Variants in ARHGAP26 observed in about 807,000 individuals in gnomAD.
ARHGAP26 encodes the protein Rho GTPase activating protein 26.
In ARHGAP26, 38 loss-of-function variants were observed where a neutral mutation model predicts 104.8. The observed-to-expected ratio is 0.36, with a 90% CI of 0.28 to 0.48. The LOEUF is 0.48. Among genes scored for constraint, ARHGAP26 ranks in the 20% least tolerant of loss-of-function variants. ARHGAP26 has a pLI of 0.99. For synonymous variants in ARHGAP26, 341 were observed against 340.0 expected (o/e 1.00, Z -0.03); for missense variants, 704 against 947.9 (o/e 0.74, Z 3.38).
intron 17 of ARHGAP26, among the ~76,000 whole-genome samples, chr5:143,079,844 C>T (rs1789552862): frequency 6.6e-6 from 1 of 152,094 alleles, no homozygotes; most frequent in Admixed American, 6.6e-5. Flanking sequence ...TAGGGAGAAT[C>T]TAGAGATAGA....
At chr5:142,795,807 G>A (rs527900655) in intron 1 of ARHGAP26, among the ~76,000 whole-genome samples, 1 of 152,274 alleles carries the variant, frequency 6.6e-6, no homozygotes, top group East Asian at 1.9e-4. Context: ...TTTATCCCCA[G>A]AATCTCAGCC....
intron 1 of ARHGAP26, among the ~76,000 whole-genome samples, chr5:142,844,005 A>G (rs971520759): frequency 9.3e-5 from 14 of 150,960 alleles, no homozygotes; most frequent in African/African-American, 3.2e-4. Flanking sequence ...GAGTTAATAT[A>G]TAATAAGATA....
chr5:143,171,769 C>T (rs1029336163), intron 20 of ARHGAP26, among the ~76,000 whole-genome samples: 5 of 152,176 alleles, frequency 3.3e-5, no homozygotes, highest in Admixed American at 1.3e-4. Flanking sequence ...CTTGTCACTA[C>T]GCTTTCTTCC....
At chr5:142,944,715 A>G (rs1766850660) in intron 11 of ARHGAP26, among the ~76,000 whole-genome samples, 1 of 152,238 alleles carries the variant, frequency 6.6e-6, no homozygotes. Flanking sequence ...TATGTAAGAT[A>G]CTTAGAACAG....
chr5:142,856,952 C>T (rs746827488), intron 1 of ARHGAP26, among the ~76,000 whole-genome samples: 4 of 152,132 alleles, frequency 2.6e-5, no homozygotes, highest in African/African-American at 9.7e-5. Flanking sequence ...GTTCTGGAGG[C>T]CAGAAATCTG....
intron 20 of ARHGAP26, 64 bp from the exon 21 acceptor site, chr5:143,207,134 C>T: frequency 6.4e-7 from 1 of 1,569,428 alleles, no homozygotes; most frequent in Non-Finnish European, 8.7e-7. Context: ...CTCCCATGAC[C>T]TCCTGTGCTC....
intron 1 of ARHGAP26, among the ~76,000 whole-genome samples, chr5:142,822,663 C>T (rs1345810786): frequency 6.6e-6 from 1 of 152,024 alleles, no homozygotes; most frequent in Non-Finnish European, 1.5e-5. Context: ...TGCACACACA[C>T]CATACATATA....
chr5:142,795,313 T>C (rs767892231), intron 1 of ARHGAP26, among the ~76,000 whole-genome samples: 6 of 150,702 alleles, frequency 4.0e-5, no homozygotes, highest in Non-Finnish European at 7.4e-5. Flanking sequence ...TGAGGATTGC[T>C]CAGAAAGTGT....
chr5:143,056,140 AAAG>A, intron 16 of ARHGAP26, 54 bp downstream of exon 16: 2 of 1,472,246 alleles, frequency 1.4e-6, no homozygotes, highest in Non-Finnish European at 1.9e-6. Context: ...TTTCTATTTC[AAAG>A]AAGAGTCAGT....
chr5:143,110,298 A>G (rs192782725), intron 17 of ARHGAP26, among the ~76,000 whole-genome samples: 9 of 152,352 alleles, frequency 5.9e-5, no homozygotes, highest in African/African-American at 2.2e-4. Flanking sequence ...CTTGTTCACC[A>G]GTATATCTCC....
intron 11 of ARHGAP26, among the ~76,000 whole-genome samples, chr5:142,988,678 C>A (rs1775138031): frequency 6.6e-6 from 1 of 152,148 alleles, no homozygotes; most frequent in Non-Finnish European, 1.5e-5. Context: ...CCCAGAGATT[C>A]TGGTATGTTG....
chr5:143,002,101 G>A (rs926536092), intron 11 of ARHGAP26, among the ~76,000 whole-genome samples: 8 of 152,146 alleles, frequency 5.3e-5, no homozygotes, highest in Non-Finnish European at 8.8e-5. Context: ...CATCAGCCTC[G>A]AGTTGCAATG....
chr5:142,802,075 C>G (rs558060675), intron 1 of ARHGAP26, among the ~76,000 whole-genome samples: 1 of 152,298 alleles, frequency 6.6e-6, no homozygotes, highest in East Asian at 1.9e-4. Context: ...ATGAGAGAAA[C>G]TATTCTGTGG....
chr5:143,107,318 G>C (rs1794163028), intron 17 of ARHGAP26, among the ~76,000 whole-genome samples: 1 of 152,162 alleles, frequency 6.6e-6, no homozygotes, highest in South Asian at 2.1e-4. Flanking sequence ...ATTTGCTCAA[G>C]GATCTGGTAT....
Position 142,980,352 on chromosome 5 carries a change from C to CT in ARHGAP26, c.1108-33725dup, listed in dbSNP as rs375787576. On this transcript the variant is annotated intron_variant, in intron 11 of 22. Coordinates refer to ENST00000645722, the MANE Select transcript of ARHGAP26 (RefSeq NM_001135608.3). ...TATTGTGCATAAAGCCTCTAGGAAC[C>CT]TTTATTTTATTTTATTTTATTTTAT... Among the ~76,000 whole-genome samples the CT allele has an allele frequency of 1.5e-3, 201 of 131,534 alleles. 1 individual carries two copies. Among genetic ancestry groups the CT allele is most frequent in the Middle Eastern group, 3.7e-3 (1 of 268 alleles). 86.3% of individuals were successfully genotyped at this position (131,534 alleles called of 152,430 possible).
chr5:142,869,690 TGTG>T (rs1390320564), intron 1 of ARHGAP26, among the ~76,000 whole-genome samples: 2 of 152,228 alleles, frequency 1.3e-5, no homozygotes, highest in African/African-American at 4.8e-5. Context: ...TGGCTTGACT[TGTG>T]GTATTACTGG....
At chr5:142,865,482 T>TG (rs1754109143) in intron 1 of ARHGAP26, among the ~76,000 whole-genome samples, 1 of 122,080 alleles carries the variant, frequency 8.2e-6, no homozygotes, top group Admixed American at 8.8e-5. Context: ...GGAGAAGTTT[T>TG]TTTTTTTTTT....
intron 21 of ARHGAP26, among the ~76,000 whole-genome samples, chr5:143,212,872 G>C (rs571853062): frequency 2.6e-5 from 4 of 152,144 alleles, no homozygotes; most frequent in Admixed American, 2.6e-4. Flanking sequence ...CTGGCCGGGC[G>C]CGGTGGCTCA....
intron 11 of ARHGAP26, among the ~76,000 whole-genome samples, chr5:142,961,210 G>A (rs37206): frequency 7.2e-5 from 11 of 151,936 alleles, no homozygotes; most frequent in African/African-American, 2.4e-4. Flanking sequence ...ATGGATCCAC[G>A]CTGGGCACGG....
Sources: allele counts gnomAD v4.1 joint callset (sites outside exome capture counted in the v4.1 genomes callset), GRCh38; gene constraint gnomAD v4.1.1; transcripts MANE v1.5; gene names NCBI Gene and HGNC (gene_info 2026-07-23, HGNC 2026-07-21).